Variants in CDC37 observed in about 807,000 individuals in gnomAD.
CDC37 encodes the protein hsp90 co-chaperone Cdc37.
In CDC37, 9 loss-of-function variants were observed where a neutral mutation model predicts 46.9. That is an observed-to-expected ratio of 0.19 (90% confidence interval 0.12 to 0.33). The LOEUF (loss-of-function observed/expected upper bound fraction) is 0.33, where lower values mean the gene tolerates loss of function less well. Among genes scored for constraint, CDC37 ranks in the 10% least tolerant of loss-of-function variants. The pLI is 1.00. For missense variants in CDC37, 388 were observed against 514.6 expected (o/e 0.75, Z 2.38); for synonymous variants, 193 against 191.0 (o/e 1.01, Z -0.09).
chr19:10,395,126 C>A lies in CDC37; in HGVS notation c.621G>T (p.Glu207Asp). 6.3e-7 allele frequency: 1 copy of A among 1,592,596 alleles called. No individual in the cohort carries two copies. Among genetic ancestry groups the A allele is most frequent in the Non-Finnish European group, 8.6e-7 (1 of 1,165,948 alleles). ...LEVEEKCALMEQVAHQTIVMQ... is the reference protein window; with the variant it reads ...LEVEEKCALMDQVAHQTIVMQ... ...TGACGATTGTCTGGTGGGCCACCTG[C>A]TCCATGAGTGCACATTTCTGCCAGG... The change falls in exon 5 of 8, where the codon GAG becomes GAT. Residue 207 changes from glutamate (E) to aspartate (D), a missense_variant. Physicochemically the swap from Glu to Asp is conservative, Grantham distance 45. Around this residue, in one of 2 missense-constraint regions of CDC37, gnomAD observed 374 missense variants for 467.4 expected, o/e 0.80. Coordinates refer to ENST00000222005, the MANE Select transcript of CDC37 (RefSeq NM_007065.4).
chr19:10,399,197 G>A (rs549643443), intron 1 of CDC37, among the ~76,000 whole-genome samples: 5 of 152,128 alleles, frequency 3.3e-5, no homozygotes, highest in Non-Finnish European at 5.9e-5. Flanking sequence ...GGTCGAGCGT[G>A]GTGGCTCACT....
rs751987466 is a variant in CDC37, at chr19:10,396,021, C to T, written c.285G>A (p.Glu95=). ...CCTCCAGCTTCTGCTCCCAGCTCCG[C>T]TCCTCCTTGCGCAGCTGCTGTGCCT... ...QAEAQQLRKE[E]RSWEQKLEEM... The change falls in exon 2 of 8, where the codon GAG becomes GAA. Residue 95 remains glutamate, a synonymous_variant. Transcript: ENST00000222005. The surrounding 1 kb of genome is among the most constrained non-coding windows in gnomAD (Gnocchi z 5.9). 6 of 1,614,006 alleles carry T rather than the reference C, an allele frequency of 3.7e-6. No individual in the cohort carries two copies. Among genetic ancestry groups the T allele is most frequent in the Middle Eastern group, 1.6e-4 (1 of 6,062 alleles).
chr19:10,395,648 G>T, intron 2 of CDC37, 105 bp from the exon 3 acceptor site: 2 of 976,670 alleles, frequency 2.0e-6, no homozygotes, highest in South Asian at 1.3e-5. Context: ...CACGGCGGAG[G>T]TGGTGACGAA....
At chr19:10,394,944 T>G (rs528045437) in intron 5 of CDC37, 77 bp downstream of exon 5, 3 of 1,438,666 alleles carry the variant, frequency 2.1e-6, no homozygotes, top group African/African-American at 2.9e-5. Context: ...TGGAGAGGAG[T>G]CGGCCTTACC....
intron 5 of CDC37, among the ~76,000 whole-genome samples, chr19:10,394,072 AGAGT>A (rs1235990885): frequency 6.6e-6 from 1 of 152,096 alleles, no homozygotes; most frequent in Non-Finnish European, 1.5e-5. Context: ...CCTGGGCAAC[AGAGT>A]GAGACTCCAT....
In CDC37 at chr19:10,393,819, C is replaced by T. The variant is rs992538247; in HGVS notation, c.727-378G>A. 4 of 181,302 alleles carry T rather than the reference C, an allele frequency of 2.2e-5. No individual in the cohort carries two copies. The highest frequency in any genetic ancestry group is 5.8e-5 in the Admixed American group (1 of 17,228). 11.2% of individuals were successfully genotyped at this position (181,302 alleles called of 1,614,324 possible). On this transcript the variant is annotated intron_variant, in intron 5 of 7. Coordinates refer to ENST00000222005, the MANE Select transcript of CDC37 (RefSeq NM_007065.4). This position sits in a 1 kb window ranked among gnomAD's most constrained non-coding sequence, Gnocchi z 4.9. ...AAAATCCTAGAGGCTAGGCCGGGCGCGGTGGCTCACGCCTGTAATCCCAGC... is the reference window on the plus strand; with the variant it reads ...AAAATCCTAGAGGCTAGGCCGGGCGTGGTGGCTCACGCCTGTAATCCCAGC...
chr19:10,395,903 T>TGGGG, intron 2 of CDC37, 25 bp downstream of exon 2: 5 of 1,573,926 alleles, frequency 3.2e-6, no homozygotes, highest in Non-Finnish European at 4.4e-6. Flanking sequence ...GCATGCGCAC[T>TGGGG]GCCCGCCCCG....
Position 10,391,436 on chromosome 19 carries a change from T to A in CDC37, c.*115A>T. 7.5e-7 allele frequency: 1 copy of A among 1,333,298 alleles called. No individual in the cohort carries two copies. The highest frequency in any genetic ancestry group is 1.1e-6 in the Non-Finnish European group (1 of 932,704). The allele number at this position is 1,333,298 out of a possible 1,614,324, so 82.6% of individuals were successfully genotyped here. A position where few individuals can be genotyped will look rare whatever the true frequency, so the allele number is the denominator to read the frequency against. ...GGAGGGCTGGGCGGGCCCCCCAGGCTGGGCCGAGCAGCGCAAGTAGAGGAA... is the reference window on the plus strand; with the variant it reads ...GGAGGGCTGGGCGGGCCCCCCAGGCAGGGCCGAGCAGCGCAAGTAGAGGAA... On this transcript the variant is annotated 3_prime_UTR_variant, in exon 8 of 8. Coordinates refer to ENST00000222005, the MANE Select transcript of CDC37 (RefSeq NM_007065.4).
In CDC37 at chr19:10,403,417, G is replaced by A. The variant is rs781192159; in HGVS notation, c.63C>T (p.Pro21=). 8.1e-6 allele frequency: 13 copies of A among 1,613,460 alleles called. No individual in the cohort carries two copies. The South Asian group carries it at 1.4e-4, about 18-fold the overall frequency. ...GGAAGAGACTGGCCGTGTCGATGTT[G>A]GGGTGCGTCTCGTCTTCATCATCAG... is the stretch of plus-strand genomic sequence containing the variant. ...EVSDDEDETH[P]NIDTASLFRW... The change falls in exon 1 of 8, where the codon CCC becomes CCT. Residue 21 remains proline (P), a synonymous_variant. Coordinates refer to ENST00000222005, the MANE Select transcript of CDC37 (RefSeq NM_007065.4).
In CDC37 at chr19:10,396,119, C is replaced by A; in HGVS notation, c.187G>T (p.Glu63Ter). 1 of 1,614,118 alleles carries A rather than the reference C, an allele frequency of 6.2e-7. No homozygotes were observed. The highest frequency in any genetic ancestry group is 8.5e-7 in the Non-Finnish European group (1 of 1,180,004). ...GCRECKRKVA[E>*]CQRKLKELEV... ...AGCTCCTTCAGTTTCCTCTGGCACT[C>A]GGCCACCTTGCGCTTGCACTCGCGG... Residue 63 changes from glutamate to a stop codon, truncating the protein, a stop_gained, in exon 2 of 8, where the codon GAG (glutamate) becomes TAG (stop). Transcript: ENST00000222005. LOFTEE classifies it high-confidence loss of function. The surrounding 1 kb of genome is among the most constrained non-coding windows in gnomAD (Gnocchi z 5.9).
rs369472850 is a variant in CDC37, at chr19:10,393,237, C to T, written c.909+22G>A. The T allele has an allele frequency of 3.1e-5, 50 of 1,612,604 alleles. No individual in the cohort carries two copies. The highest frequency in any genetic ancestry group is 2.0e-4 in the African/African-American group (15 of 75,008). ...TCCCGCTCAGGGTCTTCCTGCTGCC[C>T]GCCTGGGCCGGGGAGCCCCACCTCA... is the stretch of plus-strand genomic sequence containing the variant. On this transcript the variant is annotated intron_variant, in intron 6 of 7. Transcript: ENST00000222005. The surrounding 1 kb of genome is among the most constrained non-coding windows in gnomAD (Gnocchi z 4.9).
intron 1 of CDC37, among the ~76,000 whole-genome samples, chr19:10,399,105 A>G (rs938956935): frequency 2.0e-5 from 3 of 151,974 alleles, no homozygotes; most frequent in African/African-American, 7.3e-5. Context: ...GCTGGCCCCT[A>G]CTCTAATACC....
At chr19:10,402,240 T>G (rs2042523096) in intron 1 of CDC37, among the ~76,000 whole-genome samples, 1 of 149,720 alleles carries the variant, frequency 6.7e-6, no homozygotes, top group Non-Finnish European at 1.5e-5. Flanking sequence ...TAGCAGGAGG[T>G]TAAACCTTTA....
chr19:10,396,591 A>G lies in CDC37; in HGVS notation c.103-388T>C, dbSNP rs1007313506. Among the ~76,000 whole-genome samples the G allele has an allele frequency of 6.6e-6, 1 of 152,174 alleles. No homozygotes were observed. The highest frequency in any genetic ancestry group is 2.4e-5 in the African/African-American group (1 of 41,442). On this transcript the variant is annotated intron_variant, in intron 1 of 7. Transcript: ENST00000222005. The surrounding 1 kb of genome is among the most constrained non-coding windows in gnomAD (Gnocchi z 5.9). ...AAAACAAAACAAAACAAAACAAAAA[A>G]CAGGGTCTCACTCTGTCGTCCAGGT...
Position 10,403,535 on chromosome 19 carries a change from T to G in CDC37, c.-56A>C, listed in dbSNP as rs752470815. 9.6e-6 allele frequency: 13 copies of G among 1,355,232 alleles called. No individual in the cohort carries two copies. In the East Asian group the frequency reaches 2.8e-4, roughly 29 times the overall value. 84.0% of individuals were successfully genotyped at this position (1,355,232 alleles called of 1,614,324 possible). ...CGGGTGGCGGCGACGGCGGCAGCAG[T>G]GGAGACTAGGAGCGCGGAGCCCCGC... On this transcript the variant is annotated 5_prime_UTR_variant, in exon 1 of 8. Coordinates refer to ENST00000222005, the MANE Select transcript of CDC37 (RefSeq NM_007065.4).
Position 10,391,447 on chromosome 19 carries a change from G to A in CDC37, c.*104C>T. 7.0e-7 allele frequency: 1 copy of A among 1,438,404 alleles called. No homozygotes were observed. Among genetic ancestry groups the A allele is most frequent in the Non-Finnish European group, 9.8e-7 (1 of 1,024,654 alleles). The allele number at this position is 1,438,404 out of a possible 1,614,324, so 89.1% of individuals were successfully genotyped here. A position where few individuals can be genotyped will look rare whatever the true frequency, so the allele number is the denominator to read the frequency against. On this transcript the variant is annotated 3_prime_UTR_variant, in exon 8 of 8. Transcript: ENST00000222005. ...CGGGCCCCCCAGGCTGGGCCGAGCA[G>A]CGCAAGTAGAGGAAGTCAGGAGCGG...
intron 1 of CDC37, among the ~76,000 whole-genome samples, chr19:10,402,507 T>C (rs1222237227): frequency 6.6e-6 from 1 of 152,060 alleles, no homozygotes; most frequent in Non-Finnish European, 1.5e-5. Flanking sequence ...GAGTTTCCAA[T>C]GCTGGCTGAG....
chr19:10,393,998 G>A lies in CDC37; in HGVS notation c.727-557C>T, dbSNP rs2042473713. Among the ~76,000 whole-genome samples, 1 of 152,188 alleles carries A rather than the reference G, an allele frequency of 6.6e-6. No homozygotes were observed. Among genetic ancestry groups the A allele is most frequent in the Admixed American group, 6.6e-5 (1 of 15,262 alleles). On this transcript the variant is annotated intron_variant, in intron 5 of 7. Coordinates refer to ENST00000222005, the MANE Select transcript of CDC37 (RefSeq NM_007065.4). This position sits in a 1 kb window ranked among gnomAD's most constrained non-coding sequence, Gnocchi z 4.9. ...CCAGCTACTCAGGAGGTTGAGGCTGGAGGATCGCTTGAACCCAGGAGGCGG... is the reference window on the plus strand; with the variant it reads ...CCAGCTACTCAGGAGGTTGAGGCTGAAGGATCGCTTGAACCCAGGAGGCGG...
rs2042494389 is a variant in CDC37, at chr19:10,396,723, A to G, written c.103-520T>C. 6.6e-6 allele frequency among the ~76,000 whole-genome samples: 1 copy of G among 152,130 alleles called. No homozygotes were observed. Among genetic ancestry groups the G allele is most frequent in the African/African-American group, 2.4e-5 (1 of 41,426 alleles). ...GTAGCTGGGACTACAGGTGTGCACC[A>G]GCACGCCCAGCTAATTTTTGTATTT... is the stretch of plus-strand genomic sequence containing the variant. On this transcript the variant is annotated intron_variant, in intron 1 of 7. Coordinates refer to ENST00000222005, the MANE Select transcript of CDC37 (RefSeq NM_007065.4). The surrounding 1 kb of genome is among the most constrained non-coding windows in gnomAD (Gnocchi z 5.9).
Sources: allele counts gnomAD v4.1 joint callset (sites outside exome capture counted in the v4.1 genomes callset), GRCh38; gene constraint gnomAD v4.1.1; regional missense constraint gnomAD v4.1.1; non-coding constraint Gnocchi (gnomAD v3.1); transcripts MANE v1.5; gene names NCBI Gene and HGNC (gene_info 2026-07-23, HGNC 2026-07-21).